The following EFCAB6 variants were observed in gnomAD, a reference collection of about 807,000 sequenced individuals.
EFCAB6 encodes EF-hand calcium binding domain 6.
In EFCAB6, 156 loss-of-function variants were observed where a neutral mutation model predicts 169.8. That is an observed-to-expected ratio of 0.92 (90% CI 0.81 to 1.05). The LOEUF is 1.05. Among genes scored for constraint, EFCAB6 ranks in the 50% least tolerant of loss-of-function variants. The pLI is 0.00. For missense variants in EFCAB6, 1,800 were observed against 1,829.1 expected, an observed-to-expected ratio of 0.98 and a Z score of 0.29; for synonymous variants, 698 against 676.4, an observed-to-expected ratio of 1.03 and a Z score of -0.50.
chr22:43,545,910 C>A (rs2048029753), intron 27 of EFCAB6, among the ~76,000 whole-genome samples: 1 of 152,118 alleles, frequency 6.6e-6, no homozygotes, highest in Admixed American at 6.6e-5. Context: ...TTAAATTCAG[C>A]CAAATATAAG....
At position 43,572,570 on chromosome 22, in the gene EFCAB6, C is replaced by T. The variant is rs1386196546; in HGVS notation, c.3420+3727G>A. Among the ~76,000 whole-genome samples, 8 of 152,350 alleles carry T rather than the reference C, an allele frequency of 5.3e-5. No individual in the cohort carries two copies. Among genetic ancestry groups the T allele is most frequent in the Middle Eastern group, 3.4e-3 (1 of 294 alleles). ...CCTGGCCCCATCTCCTTAGACCTCT[C>T]CTTCATCTGCCCCCAAACCAGTTGG... On this transcript the variant is annotated intron_variant, in intron 26 of 31. Coordinates refer to ENST00000262726, the MANE Select transcript of EFCAB6 (RefSeq NM_022785.4). The surrounding 1 kb of genome is among the most constrained non-coding windows in gnomAD (Gnocchi z 4.0).
chr22:43,602,134 C>T (rs150138585), intron 22 of EFCAB6, among the ~76,000 whole-genome samples: 125 of 152,340 alleles, frequency 8.2e-4, no homozygotes, highest in Middle Eastern at 3.4e-3. Flanking sequence ...CCGTCCCGGG[C>T]AGTCCTAGAC....
Position 43,530,778 on chromosome 22 carries a change from C to T in EFCAB6, c.4383+37G>A, listed in dbSNP as rs2047008662. The T allele has an allele frequency of 3.1e-6, 5 of 1,608,550 alleles. No homozygotes were observed. The African/African-American group carries it at 4.0e-5, about 13-fold the overall frequency. On this transcript the variant is annotated intron_variant, in intron 31 of 31. Coordinates refer to ENST00000262726, the MANE Select transcript of EFCAB6 (RefSeq NM_022785.4). ...TCTGGCCGCTGGCATTTGGCAGCTG[C>T]TCCCTGCAGAGGCACTGGGCGCAGA...
At chr22:43,682,143 T>C (rs2058030665) in intron 12 of EFCAB6, among the ~76,000 whole-genome samples, 1 of 151,798 alleles carries the variant, frequency 6.6e-6, no homozygotes, top group African/African-American at 2.4e-5. Flanking sequence ...GTGGGGTGCA[T>C]GGTGGGGGGA....
chr22:43,536,319 A>G (rs2047380185), intron 29 of EFCAB6: 1 of 152,252 alleles, frequency 6.6e-6, no homozygotes, highest in African/African-American at 2.4e-5. Context: ...TACTTAATTT[A>G]CAAGTGTTTT....
chr22:43,810,772 T>C (rs1183259271), intron 1 of EFCAB6, among the ~76,000 whole-genome samples: 1 of 152,076 alleles, frequency 6.6e-6, no homozygotes, highest in Non-Finnish European at 1.5e-5. Flanking sequence ...AAAATAAGCA[T>C]AGAGGAAAAA....
chr22:43,702,503 A>T (rs568427328), intron 10 of EFCAB6, among the ~76,000 whole-genome samples: 52 of 152,212 alleles, frequency 3.4e-4, no homozygotes, highest in Non-Finnish European at 7.3e-4. Context: ...ATAAAGTACC[A>T]CACAGAAAGT....
intron 10 of EFCAB6, among the ~76,000 whole-genome samples, chr22:43,694,220 G>C (rs187005829): frequency 5.9e-4 from 90 of 151,470 alleles, no homozygotes; most frequent in African/African-American, 2.1e-3. Flanking sequence ...GAGAAAGAAT[G>C]GGAAAAACAT....
intron 2 of EFCAB6, among the ~76,000 whole-genome samples, chr22:43,799,132 G>T (rs1419057123): frequency 6.6e-6 from 1 of 151,844 alleles, no homozygotes; most frequent in East Asian, 1.9e-4. Flanking sequence ...TTCAAGACTA[G>T]CATGGGCAAC....
intron 27 of EFCAB6, among the ~76,000 whole-genome samples, chr22:43,543,109 G>A (rs925374942): frequency 2.0e-5 from 3 of 152,170 alleles, no homozygotes; most frequent in Non-Finnish European, 4.4e-5. Flanking sequence ...CCATGAGCGC[G>A]GGGTCACAGG....
rs116898068 is a variant in EFCAB6 at position 43,755,064 on chromosome 22, A to G, written c.507+702T>C. On this transcript the variant is annotated intron_variant, in intron 6 of 31. Transcript: ENST00000262726. ...TGTGGATCTCTGGCTATTTTTGAGT[A>G]TGAAATATATGAGTCTCAGAAGAGT... 1.7e-4 allele frequency among the ~76,000 whole-genome samples: 26 copies of G among 152,352 alleles called. No individual in the cohort carries two copies. In the South Asian group the frequency reaches 5.4e-3, roughly 32 times the overall value.
rs1410542563 is a variant in EFCAB6, at chr22:43,598,310, GGAAAA to G, written c.2876+1754_2876+1758del. Among the ~76,000 whole-genome samples the G allele has an allele frequency of 4.9e-3, 280 of 57,644 alleles. 14 individuals are homozygous for G. The highest frequency in any genetic ancestry group is 0.013 in the Middle Eastern group (1 of 78). The allele number at this position is 57,644 out of a possible 152,430, so 37.8% of individuals were successfully genotyped here. Reference sequence around the variant, plus strand: ...TGATGAAAGTGAGACACTGTCTCCGGGAAAAAAAAAAAAAAAAAAAAAAAAAAAGG... The same window carrying G: ...TGATGAAAGTGAGACACTGTCTCCGGAAAAAAAAAAAAAAAAAAAAAAAGG... On this transcript the variant is annotated intron_variant, in intron 23 of 31. Transcript: ENST00000262726.
At chr22:43,610,317 A>C (rs2053216455) in intron 21 of EFCAB6, among the ~76,000 whole-genome samples, 1 of 152,248 alleles carries the variant, frequency 6.6e-6, no homozygotes, top group Non-Finnish European at 1.5e-5. Flanking sequence ...CCATCGTCAC[A>C]GTTTCTGTTG....
intron 2 of EFCAB6, among the ~76,000 whole-genome samples, chr22:43,801,741 C>T (rs2062724829): frequency 6.6e-6 from 1 of 152,024 alleles, no homozygotes; most frequent in Admixed American, 6.5e-5. Flanking sequence ...ACCTAAAAAG[C>T]AATGGACTAA....
chr22:43,561,993 C>A (rs1208534597), intron 26 of EFCAB6, among the ~76,000 whole-genome samples: 4 of 152,160 alleles, frequency 2.6e-5, no homozygotes, highest in Non-Finnish European at 5.9e-5. Context: ...GGCCCGAACA[C>A]CTCACACTCC....
At chr22:43,768,011 T>C (rs1037962868) in intron 4 of EFCAB6, among the ~76,000 whole-genome samples, 2 of 152,242 alleles carry the variant, frequency 1.3e-5, no homozygotes, top group African/African-American at 4.8e-5. Context: ...TTTAGATCAG[T>C]ATCCGTCATT....
At chr22:43,632,301 T>A in intron 18 of EFCAB6, 63 bp from the exon 19 acceptor site, 1 of 1,147,150 alleles carries the variant, frequency 8.7e-7, no homozygotes, top group South Asian at 2.1e-5. Context: ...CTTCTTTTTT[T>A]TTTTTTTTTT....
At chr22:43,598,863 A>G (rs780403306) in intron 23 of EFCAB6, among the ~76,000 whole-genome samples, 36 of 152,248 alleles carry the variant, frequency 2.4e-4, no homozygotes, top group Non-Finnish European at 4.4e-4. Context: ...TGATGGATAT[A>G]CCGATTACCC....
chr22:43,537,678 T>TA lies in EFCAB6; in HGVS notation c.3880-134dup. On this transcript the variant is annotated intron_variant, in intron 28 of 31. Coordinates refer to ENST00000262726, the MANE Select transcript of EFCAB6 (RefSeq NM_022785.4). This position sits in a 1 kb window ranked among gnomAD's most constrained non-coding sequence, Gnocchi z 4.3. ...ATTAGCCCAGAAATAAAATGAAGAA[T>TA]AAAACATAGATGGTGATTTTACAAT... The TA allele has an allele frequency of 9.2e-7, 1 of 1,089,524 alleles. No homozygotes were observed. The highest frequency in any genetic ancestry group is 1.3e-6 in the Non-Finnish European group (1 of 787,180). 67.5% of individuals were successfully genotyped at this position (1,089,524 alleles called of 1,614,324 possible). A position where few individuals can be genotyped will look rare whatever the true frequency, so the allele number is the denominator to read the frequency against.
Sources: allele counts gnomAD v4.1 joint callset (sites outside exome capture counted in the v4.1 genomes callset), GRCh38; gene constraint gnomAD v4.1.1; non-coding constraint Gnocchi (gnomAD v3.1); transcripts MANE v1.5; gene names NCBI Gene and HGNC (gene_info 2026-07-23, HGNC 2026-07-21).